The following WTAP variants were observed in gnomAD, a reference collection of about 807,000 sequenced individuals.
WTAP encodes the protein WT1 associated protein, also known as pre-mRNA-splicing regulator WTAP.
In WTAP, 8 loss-of-function variants were observed where a neutral mutation model predicts 50.0. That is an observed-to-expected ratio of 0.16 (90% CI 0.09 to 0.29). WTAP has a LOEUF of 0.29. Ranked by LOEUF, WTAP falls within the 10% of genes least tolerant of loss-of-function variation. The probability of loss-of-function intolerance (pLI) is 1.00; values close to 1 mark genes in which losing one functional copy is unlikely to be tolerated. For missense variants in WTAP, 295 were observed against 470.7 expected (o/e 0.63, Z 3.45); for synonymous variants, 194 against 169.0 (o/e 1.15, Z -1.15).
rs1206363020 is a variant in WTAP, at chr6:159,755,699, G to T, written c.*88G>T. 3.0e-5 allele frequency: 38 copies of T among 1,253,742 alleles called. No homozygotes were observed. The highest frequency in any genetic ancestry group is 3.7e-5 in the Non-Finnish European group (37 of 1,002,440). 77.7% of individuals were successfully genotyped at this position (1,253,742 alleles called of 1,614,324 possible). On this transcript the variant is annotated 3_prime_UTR_variant, in exon 8 of 8. Coordinates refer to ENST00000621533, the MANE Select transcript of WTAP (RefSeq NM_001270531.2). The stretch of plus-strand genomic sequence containing the variant: ...TTAATGCATACTTTTGTCACAATTT[G>T]CCTTTTTGTGGGTGTACGTTTTGGT...
At chr6:159,751,622 C>T (rs1779824381) in intron 6 of WTAP, among the ~76,000 whole-genome samples, 1 of 152,226 alleles carries the variant, frequency 6.6e-6, no homozygotes, top group African/African-American at 2.4e-5. Flanking sequence ...ATAAAGTTAT[C>T]ATATCAAAGA....
rs771231764 is a variant in WTAP at position 159,753,366 on chromosome 6, T to C, written c.453-94T>C. The C allele has an allele frequency of 1.6e-5, 24 of 1,531,460 alleles. No homozygotes were observed. The Middle Eastern group carries it at 6.8e-4, about 43-fold the overall frequency. 94.9% of individuals were successfully genotyped at this position (1,531,460 alleles called of 1,614,324 possible). On this transcript the variant is annotated intron_variant, in intron 6 of 7. Transcript: ENST00000621533. ...GGAAGCATCTGCTGTGATATAGTTA[T>C]GTTTGTATGTGTTACATCTATCACT...
chr6:159,736,933 A>C (rs1778958766), intron 2 of WTAP, among the ~76,000 whole-genome samples: 1 of 152,222 alleles, frequency 6.6e-6, no homozygotes, highest in African/African-American at 2.4e-5. Context: ...ATTTAAGTGA[A>C]TAATTTAGAT....
rs1562469482 is a variant in WTAP, at chr6:159,755,736, GTTTTTTTTCTTTGTT to G, written c.*138_*152del. ...GTGTACGTTTTGGTTTTTTTTTGTT[GTTTTTTTTCTTTGTT>G]TTTTTTTTCTTTTCTTTTTTTTTTT... On this transcript the variant is annotated 3_prime_UTR_variant, in exon 8 of 8. Coordinates refer to ENST00000621533, the MANE Select transcript of WTAP (RefSeq NM_001270531.2). 16 of 365,032 alleles carry G rather than the reference GTTTTTTTTCTTTGTT, an allele frequency of 4.4e-5. No individual in the cohort carries two copies. Among genetic ancestry groups the G allele is most frequent in the African/African-American group, 3.0e-4 (4 of 13,278 alleles). The allele number at this position is 365,032 out of a possible 1,614,324, so 22.6% of individuals were successfully genotyped here. A position where few individuals can be genotyped will look rare whatever the true frequency, so the allele number is the denominator to read the frequency against.
At chr6:159,741,001 A>G (rs1779225122) in intron 3 of WTAP, among the ~76,000 whole-genome samples, 1 of 152,046 alleles carries the variant, frequency 6.6e-6, no homozygotes, top group Non-Finnish European at 1.5e-5. Context: ...TTTGTTCATT[A>G]TGTTGTAATA....
At chr6:159,738,915 T>A (rs1583079235) in intron 2 of WTAP, 75 bp from the exon 3 acceptor site, 3 of 1,059,184 alleles carry the variant, frequency 2.8e-6, no homozygotes, top group Non-Finnish European at 4.2e-6. Flanking sequence ...ACTTGGGAGA[T>A]GTTTCATAGG....
chr6:159,741,851 C>G (rs997319316), intron 3 of WTAP: 3 of 342,912 alleles, frequency 8.7e-6, no homozygotes, highest in African/African-American at 4.4e-5. Flanking sequence ...TGCCTTTGGT[C>G]CCAGCTATAC....
At chr6:159,747,112 T>A (rs1779621103) in intron 5 of WTAP, among the ~76,000 whole-genome samples, 1 of 152,216 alleles carries the variant, frequency 6.6e-6, no homozygotes, top group Non-Finnish European at 1.5e-5. Flanking sequence ...TATTAGAAAA[T>A]TTTAACTGTA....
At chr6:159,740,588 T>A (rs374493528) in intron 3 of WTAP, among the ~76,000 whole-genome samples, 2 of 152,172 alleles carry the variant, frequency 1.3e-5, no homozygotes, top group East Asian at 3.8e-4. Context: ...TTTGGTAAAC[T>A]ACGTGTCTTA....
At chr6:159,743,989 G>A (rs1779413547) in intron 5 of WTAP, among the ~76,000 whole-genome samples, 197 bp downstream of exon 5, 1 of 151,814 alleles carries the variant, frequency 6.6e-6, no homozygotes, top group Non-Finnish European at 1.5e-5. Flanking sequence ...GGCCAAGAAG[G>A]CAAAGTTTTA....
At position 159,752,481 on chromosome 6, in the gene WTAP, G is replaced by A. The variant is rs569691132; in HGVS notation, c.453-979G>A. 3.3e-5 allele frequency among the ~76,000 whole-genome samples: 5 copies of A among 152,062 alleles called. No homozygotes were observed. The East Asian group carries it at 5.8e-4, about 18-fold the overall frequency. ...AGCTTTTCATTACATATTTGCAATT[G>A]CTATGTATGTGCACATAGGTTCAGT... On this transcript the variant is annotated intron_variant, in intron 6 of 7. Coordinates refer to ENST00000621533, the MANE Select transcript of WTAP (RefSeq NM_001270531.2).
rs1170123520 is a variant in WTAP, at chr6:159,756,177, G to C, written c.*566G>C. ...ATACATCTGTGCATTTTCTCTTTAG[G>C]TGACTGTTTAAGAAATTTGTGTGCA... On this transcript the variant is annotated 3_prime_UTR_variant, in exon 8 of 8. Coordinates refer to ENST00000621533, the MANE Select transcript of WTAP (RefSeq NM_001270531.2). 6.6e-6 allele frequency: 1 copy of C among 152,642 alleles called. No individual in the cohort carries two copies. Among genetic ancestry groups the C allele is most frequent in the African/African-American group, 2.4e-5 (1 of 41,370 alleles). 9.5% of individuals were successfully genotyped at this position (152,642 alleles called of 1,614,324 possible).
chr6:159,751,203 G>A (rs556158797), intron 6 of WTAP, among the ~76,000 whole-genome samples: 3 of 152,262 alleles, frequency 2.0e-5, no homozygotes, highest in African/African-American at 4.8e-5. Context: ...CTAATCACTA[G>A]TTTTAAACGT....
Position 159,755,769 on chromosome 6 carries a change from T to TC in WTAP, c.*158_*159insC, listed in dbSNP as rs1779989545. 14 of 749,698 alleles carry TC rather than the reference T, an allele frequency of 1.9e-5. No individual in the cohort carries two copies. The highest frequency in any genetic ancestry group is 6.9e-5 in the African/African-American group (3 of 43,558). 46.4% of individuals were successfully genotyped at this position (749,698 alleles called of 1,614,324 possible). ...TCTTTGTTTTTTTTTTCTTTTCTTT[T>TC]TTTTTTTTTTTTTTTTTTTTTGCTT... On this transcript the variant is annotated 3_prime_UTR_variant, in exon 8 of 8. Transcript: ENST00000621533.
At chr6:159,736,318 TTTTTG>T in intron 2 of WTAP, 23 bp downstream of exon 2, 1 of 1,599,666 alleles carries the variant, frequency 6.3e-7, no homozygotes, top group Non-Finnish European at 8.5e-7. Context: ...GTTTTGGGTT[TTTTTG>T]TTTTGTTTTG....
chr6:159,753,337 A>G, intron 6 of WTAP, 123 bp from the exon 7 acceptor site: 1 of 1,323,570 alleles, frequency 7.6e-7, no homozygotes, highest in Non-Finnish European at 1.1e-6. Context: ...GATGGTAATT[A>G]TGGGGAAGCA....
chr6:159,732,023 A>T (rs564421632), intron 1 of WTAP, among the ~76,000 whole-genome samples: 60 of 152,340 alleles, frequency 3.9e-4, no homozygotes, highest in African/African-American at 1.3e-3. Flanking sequence ...GTAGAACCAC[A>T]TACCGATGAT....
intron 1 of WTAP, among the ~76,000 whole-genome samples, chr6:159,732,369 A>G (rs896099023): frequency 6.6e-6 from 1 of 152,202 alleles, no homozygotes; most frequent in Admixed American, 6.5e-5. Flanking sequence ...AGTGATAAAT[A>G]TAGCTGTTTT....
Position 159,755,217 on chromosome 6 carries a change from C to A in WTAP, c.797C>A (p.Thr266Lys). 6.2e-7 allele frequency: 1 copy of A among 1,614,168 alleles called. No homozygotes were observed. The highest frequency in any genetic ancestry group is 2.2e-5 in the East Asian group (1 of 44,882). ...ASEPVEQSEA[T>K]SKDCSRLTNG... The stretch of plus-strand genomic sequence containing the variant: ...GAACCTGTAGAACAGTCAGAGGCCA[C>A]AAGTAAAGACTGCAGTCGTCTGACA... Residue 266 changes from threonine (T) to lysine (K), a missense_variant, in exon 8 of 8, where the codon ACA (threonine) becomes AAA (lysine). Physicochemically the swap from Thr to Lys is moderately conservative, Grantham distance 78 (BLOSUM62 -1). Transcript: ENST00000621533.
Sources: gnomAD v4.1 joint callset for allele counts (sites outside exome capture counted in the v4.1 genomes callset) on GRCh38, gnomAD v4.1.1 for gene constraint, MANE v1.5 for transcripts, NCBI Gene and HGNC (gene_info 2026-07-23, HGNC 2026-07-21) for gene names.